The following B3GLCT variants were observed in gnomAD, a reference collection of about 807,000 sequenced individuals.
B3GLCT encodes the protein beta-1,3-glucosyltransferase.
In B3GLCT, 65 loss-of-function variants were observed where a neutral mutation model predicts 63.4. The observed-to-expected ratio is 1.03, with a 90% CI of 0.84 to 1.26. The LOEUF is 1.26. Among genes scored for constraint, B3GLCT ranks in the 50% most tolerant of loss-of-function variants. The probability of loss-of-function intolerance (pLI) is 0.00; values close to 1 mark genes in which losing one functional copy is unlikely to be tolerated. For missense variants in B3GLCT, 577 were observed against 604.8 expected, an observed-to-expected ratio of 0.95 and a Z score of 0.48; for synonymous variants, 233 against 219.2, an observed-to-expected ratio of 1.06 and a Z score of -0.55.
At chr13:31,202,588 A>G (rs1024093468) in intron 1 of B3GLCT, among the ~76,000 whole-genome samples, 7 of 152,160 alleles carry the variant, frequency 4.6e-5, no homozygotes, top group African/African-American at 1.7e-4. Context: ...TGGTGGTGGC[A>G]GCGGTGGCAG....
chr13:31,262,886 C>G (rs560636801), intron 7 of B3GLCT, among the ~76,000 whole-genome samples: 1 of 152,262 alleles, frequency 6.6e-6, no homozygotes, highest in East Asian at 1.9e-4. Flanking sequence ...TGGGAGAAGT[C>G]CCACGTGGCT....
intron 8 of B3GLCT, 55 bp downstream of exon 8, chr13:31,269,332 TGATG>T: frequency 7.5e-7 from 1 of 1,333,012 alleles, no homozygotes; most frequent in Non-Finnish European, 1.1e-6. Context: ...TCATGTCCTT[TGATG>T]TAAAAGGTAT....
intron 13 of B3GLCT, 74 bp downstream of exon 13, chr13:31,317,759 G>A: frequency 6.3e-7 from 1 of 1,585,972 alleles, no homozygotes; most frequent in Non-Finnish European, 8.6e-7. Context: ...TAGGTCTCTG[G>A]CACTGGGATC....
chr13:31,234,519 G>C (rs544275115), intron 4 of B3GLCT, among the ~76,000 whole-genome samples: 4 of 152,160 alleles, frequency 2.6e-5, no homozygotes, highest in African/African-American at 4.8e-5. Flanking sequence ...AGGTGGGAGG[G>C]GAGGGCTTTC....
intron 9 of B3GLCT, among the ~76,000 whole-genome samples, chr13:31,275,696 A>C (rs1872750262): frequency 6.6e-6 from 1 of 152,112 alleles, no homozygotes; most frequent in South Asian, 2.1e-4. Context: ...CATAAGAAAA[A>C]ATGTGTTCAC....
intron 6 of B3GLCT, among the ~76,000 whole-genome samples, chr13:31,255,048 A>G (rs1566065087): frequency 6.6e-6 from 1 of 151,752 alleles, no homozygotes; most frequent in African/African-American, 2.4e-5. Flanking sequence ...AAAAAAAAAA[A>G]AAAAAAGAAA....
At chr13:31,288,470 A>C (rs1015905578) in intron 12 of B3GLCT, among the ~76,000 whole-genome samples, 2 of 152,182 alleles carry the variant, frequency 1.3e-5, no homozygotes, top group African/African-American at 2.4e-5. Flanking sequence ...CTAACACCAC[A>C]GCCAGCATAA....
chr13:31,267,860 T>G (rs566790934), intron 7 of B3GLCT, among the ~76,000 whole-genome samples: 1 of 151,902 alleles, frequency 6.6e-6, no homozygotes, highest in East Asian at 1.9e-4. Flanking sequence ...TCTTTTTTTT[T>G]TTTTCTTTTC....
chr13:31,327,755 T>C (rs566737889), intron 14 of B3GLCT, among the ~76,000 whole-genome samples: 1 of 152,380 alleles, frequency 6.6e-6, no homozygotes, highest in South Asian at 2.1e-4. Context: ...TCTGTTAGAC[T>C]GTATTCCAGT....
chr13:31,246,974 T>G (rs1871222601), intron 4 of B3GLCT, 49 bp from the exon 5 acceptor site: 2 of 1,230,214 alleles, frequency 1.6e-6, no homozygotes, highest in Admixed American at 4.2e-5. Context: ...TTTACTTTTT[T>G]TCGGAGTAGT....
At chr13:31,202,307 G>C (rs1352349576) in intron 1 of B3GLCT, among the ~76,000 whole-genome samples, 1 of 152,178 alleles carries the variant, frequency 6.6e-6, no homozygotes, top group Non-Finnish European at 1.5e-5. Context: ...TGGTTCTAAA[G>C]TCTGGCACCA....
At chr13:31,278,151 A>G (rs1352098459) in intron 10 of B3GLCT, among the ~76,000 whole-genome samples, 1 of 152,164 alleles carries the variant, frequency 6.6e-6, no homozygotes, top group African/African-American at 2.4e-5. Flanking sequence ...TGTTTTCACA[A>G]TATTAATGTT....
chr13:31,324,830 A>G (rs949229073), intron 14 of B3GLCT, among the ~76,000 whole-genome samples: 1 of 152,214 alleles, frequency 6.6e-6, no homozygotes, highest in East Asian at 1.9e-4. Flanking sequence ...TTAGTCTCCC[A>G]AGTATCTGGG....
At position 31,284,703 on chromosome 13, in the gene B3GLCT, T is replaced by C. The variant is rs906937773; in HGVS notation, c.906T>C (p.Ser302=). 1.1e-5 allele frequency: 17 copies of C among 1,611,618 alleles called. No individual in the cohort carries two copies. Among genetic ancestry groups the C allele is most frequent in the Non-Finnish European group, 1.4e-5 (17 of 1,177,848 alleles). Residue 302 remains serine (S), a synonymous_variant, in exon 11 of 15, where the codon AGT becomes AGC. Transcript: ENST00000343307. Reference sequence around the variant, plus strand: ...AGGCAAGTCTCATTGAATACTATAGTGACTATACTGAAAATTCCATTCCTA... The same window carrying C: ...AGGCAAGTCTCATTGAATACTATAGCGACTATACTGAAAATTCCATTCCTA... ...ESQASLIEYY[S]DYTENSIPTV...
intron 9 of B3GLCT, among the ~76,000 whole-genome samples, chr13:31,275,792 C>T (rs891077492): frequency 6.6e-6 from 1 of 152,108 alleles, no homozygotes; most frequent in Admixed American, 6.5e-5. Flanking sequence ...TAGACACACA[C>T]ACACACGCAC....
chr13:31,310,269 G>T (rs1252356839), intron 12 of B3GLCT, among the ~76,000 whole-genome samples: 3 of 152,176 alleles, frequency 2.0e-5, no homozygotes, highest in African/African-American at 7.2e-5. Context: ...TACCCACTTT[G>T]GGTCCCGTCT....
chr13:31,223,107 A>C (rs995247611), intron 3 of B3GLCT, 116 bp downstream of exon 3: 1 of 750,856 alleles, frequency 1.3e-6, no homozygotes, highest in Non-Finnish European at 2.3e-6. Context: ...TTGTTGTTCA[A>C]ATATTCTGTC....
chr13:31,314,024 TGTG>T (rs1593315751), intron 12 of B3GLCT, among the ~76,000 whole-genome samples: 1 of 152,278 alleles, frequency 6.6e-6, no homozygotes, highest in East Asian at 1.9e-4. Context: ...GCAGCTTCCA[TGTG>T]GTGTTGAGCC....
intron 12 of B3GLCT, among the ~76,000 whole-genome samples, chr13:31,315,244 CAGA>C (rs1445704581): frequency 6.6e-6 from 1 of 152,130 alleles, no homozygotes; most frequent in Non-Finnish European, 1.5e-5. Flanking sequence ...TTGGAGAGCT[CAGA>C]AGAAGACAGG....
Sources: gnomAD v4.1 joint callset for allele counts (sites outside exome capture counted in the v4.1 genomes callset) on GRCh38, gnomAD v4.1.1 for gene constraint, MANE v1.5 for transcripts, NCBI Gene and HGNC (gene_info 2026-07-23, HGNC 2026-07-21) for gene names.